LINGO2: variants seen among roughly 807,000 people sequenced by gnomAD.
LINGO2 encodes leucine rich repeat and Ig domain containing 2, also known as leucine-rich repeat and immunoglobulin-like domain-containing nogo receptor-interacting protein 2.
In LINGO2, 14 loss-of-function variants were observed where a neutral mutation model predicts 30.6. The observed-to-expected ratio is 0.46, with a 90% CI of 0.30 to 0.72. The LOEUF is 0.72. Among genes scored for constraint, LINGO2 ranks in the 30% least tolerant of loss-of-function variants. The probability of loss-of-function intolerance (pLI) is 0.07; values close to 1 mark genes in which losing one functional copy is unlikely to be tolerated. For missense variants in LINGO2, 729 were observed against 751.7 expected (o/e 0.97, Z 0.35); for synonymous variants, 317 against 288.5 (o/e 1.10, Z -1.00).
At chr9:28,860,487 C>T in the LINGO2 span, among the ~76,000 whole-genome samples, 8 of 151,950 alleles carry the variant, frequency 5.3e-5, no homozygotes, top group Non-Finnish European at 7.4e-5. Context: ...CAGACAGCTG[C>T]CCCATCTCAT....
At chr9:28,216,720 C>T (rs1820780510) in intron 4 of LINGO2, among the ~76,000 whole-genome samples, 1 of 151,818 alleles carries the variant, frequency 6.6e-6, no homozygotes, top group Non-Finnish European at 1.5e-5. Flanking sequence ...CAAGGACTTC[C>T]ACTGGCAGCA....
At chr9:28,845,947 T>C in the LINGO2 span, among the ~76,000 whole-genome samples, 62,134 of 151,192 alleles carry the variant, frequency 0.41, 13,672 homozygotes, top group Middle Eastern at 0.53. Context: ...AGGTACAATA[T>C]CCCTCTAATG....
chr9:28,703,936 T>C, the LINGO2 span, among the ~76,000 whole-genome samples: 2 of 152,148 alleles, frequency 1.3e-5, no homozygotes, highest in African/African-American at 4.8e-5. Context: ...AAATACCTTT[T>C]TGATAATTTT....
chr9:28,604,879 T>C (rs1587946790), intron 1 of LINGO2, among the ~76,000 whole-genome samples: 1 of 152,084 alleles, frequency 6.6e-6, no homozygotes. Context: ...ACTTGAGCAC[T>C]TTCTACATGT....
At chr9:29,101,919 A>C in the LINGO2 span, among the ~76,000 whole-genome samples, 1 of 152,164 alleles carries the variant, frequency 6.6e-6, no homozygotes, top group Non-Finnish European at 1.5e-5. Context: ...TGTGAAGACC[A>C]GTAACTTCCT....
chr9:28,677,675 C>T, the LINGO2 span, among the ~76,000 whole-genome samples: 2 of 152,166 alleles, frequency 1.3e-5, no homozygotes, highest in Non-Finnish European at 2.9e-5. Flanking sequence ...CCATTTACAA[C>T]TGCCCATATT....
chr9:28,656,601 C>G (rs941467377), intron 1 of LINGO2, among the ~76,000 whole-genome samples: 2 of 151,954 alleles, frequency 1.3e-5, no homozygotes, highest in Non-Finnish European at 2.9e-5. Context: ...CATTATCTTG[C>G]ATGATAAAGA....
chr9:28,675,965 A>T, the LINGO2 span, among the ~76,000 whole-genome samples: 1 of 149,292 alleles, frequency 6.7e-6, no homozygotes, highest in Non-Finnish European at 1.5e-5. Flanking sequence ...ATATATGTAT[A>T]TATACATTTA....
At chr9:28,520,448 C>CTT (rs1820786783) in intron 1 of LINGO2, among the ~76,000 whole-genome samples, 1 of 151,984 alleles carries the variant, frequency 6.6e-6, no homozygotes, top group Non-Finnish European at 1.5e-5. Flanking sequence ...CTAAAACTAC[C>CTT]TTAGCTAAAA....
chr9:29,192,113 A>G, the LINGO2 span, among the ~76,000 whole-genome samples: 1 of 152,276 alleles, frequency 6.6e-6, no homozygotes, highest in East Asian at 1.9e-4. Context: ...TTACAGAATC[A>G]ATGTTATAAA....
chr9:28,344,667 T>C (rs1332592407), intron 3 of LINGO2, among the ~76,000 whole-genome samples: 2 of 152,112 alleles, frequency 1.3e-5, no homozygotes, highest in African/African-American at 2.4e-5. Context: ...GGTCATTCAA[T>C]TTTAAAATAT....
At chr9:29,114,846 T>G in the LINGO2 span, among the ~76,000 whole-genome samples, 2 of 152,146 alleles carry the variant, frequency 1.3e-5, no homozygotes, top group African/African-American at 4.8e-5. Flanking sequence ...AAAGATTATA[T>G]TGACCTGGTT....
chr9:29,139,079 A>T, the LINGO2 span, among the ~76,000 whole-genome samples: 1 of 152,184 alleles, frequency 6.6e-6, no homozygotes, highest in Non-Finnish European at 1.5e-5. Flanking sequence ...TTATGTGAGC[A>T]GCCTTTATGG....
chr9:28,043,049 T>TG (rs1824264085), intron 4 of LINGO2, among the ~76,000 whole-genome samples: 1 of 152,220 alleles, frequency 6.6e-6, no homozygotes, highest in Non-Finnish European at 1.5e-5. Flanking sequence ...CTAGATAGGA[T>TG]GCACAGGCAA....
In LINGO2 at chr9:28,611,349, TTGTG is replaced by T. The variant is rs34606835; in HGVS notation, c.-365+58847_-365+58850del. Among the ~76,000 whole-genome samples, 13 of 149,450 alleles carry T rather than the reference TTGTG, an allele frequency of 8.7e-5. No homozygotes were observed. In the East Asian group the frequency reaches 1.4e-3, roughly 16 times the overall value. ...ATCCATCATCTCACAATGTTAACAT[TTGTG>T]TGTGTGTGTGTGTGTGTGAGATGTG... On this transcript the variant is annotated intron_variant, in intron 1 of 5. Transcript: ENST00000379992.
At chr9:29,086,434 C>T in the LINGO2 span, among the ~76,000 whole-genome samples, 8 of 151,508 alleles carry the variant, frequency 5.3e-5, no homozygotes, top group Non-Finnish European at 1.2e-4. Context: ...AAAAAAAAAT[C>T]TGGAAACCTG....
At chr9:28,322,458 CACACACACACACACA>C (rs1349551757) in intron 3 of LINGO2, among the ~76,000 whole-genome samples, 1 of 115,998 alleles carries the variant, frequency 8.6e-6, no homozygotes, top group Non-Finnish European at 1.7e-5. Context: ...CACACACACA[CACACACACACACACA>C]CACACACGTT....
At chr9:28,981,837 G>T in the LINGO2 span, among the ~76,000 whole-genome samples, 1 of 152,032 alleles carries the variant, frequency 6.6e-6, no homozygotes, top group South Asian at 2.1e-4. Flanking sequence ...TTTCTACAAG[G>T]AGTTTACAAA....
chr9:28,529,606 C>CTTTTTTTT (rs201066699), intron 1 of LINGO2, among the ~76,000 whole-genome samples: 7 of 125,284 alleles, frequency 5.6e-5, no homozygotes, highest in African/African-American at 2.0e-4. Flanking sequence ...ATTGCAAATA[C>CTTTTTTTT]TTTTTTTTTT....
Sources: allele counts gnomAD v4.1 joint callset (sites outside exome capture counted in the v4.1 genomes callset), GRCh38; gene constraint gnomAD v4.1.1; transcripts MANE v1.5; gene names NCBI Gene and HGNC (gene_info 2026-07-23, HGNC 2026-07-21).